PTPRN2: variants seen among roughly 807,000 people sequenced by gnomAD.
PTPRN2 encodes protein tyrosine phosphatase receptor type N2.
A neutral mutation model predicts 118.8 loss-of-function variants in PTPRN2; 74 were observed. The ratio of observed to expected loss-of-function variants is 0.62; its 90% CI spans 0.52 to 0.76. The LOEUF is 0.76. PTPRN2 is among the 30% of genes least tolerant of loss of function. The probability of loss-of-function intolerance (pLI) is 0.00; values close to 1 mark genes in which losing one functional copy is unlikely to be tolerated. For missense variants in PTPRN2, 1,481 were observed against 1,394.4 expected (o/e 1.06, Z -0.99); for synonymous variants, 641 against 608.0 (o/e 1.05, Z -0.80).
chr7:158,342,147 G>A (rs1405008306), intron 2 of PTPRN2, among the ~76,000 whole-genome samples: 1 of 63,558 alleles, frequency 1.6e-5, no homozygotes, highest in African/African-American at 7.0e-5. Flanking sequence ...CGCCCGCAGA[G>A]GTCACTCACA....
At chr7:157,921,361 C>T (rs1798683084) in intron 11 of PTPRN2, among the ~76,000 whole-genome samples, 1 of 152,202 alleles carries the variant, frequency 6.6e-6, no homozygotes, top group African/African-American at 2.4e-5. Context: ...CAGAGGCTTT[C>T]ATGACAGGGA....
At chr7:157,556,511 G>A (rs1234097467) in intron 21 of PTPRN2, among the ~76,000 whole-genome samples, 1 of 143,062 alleles carries the variant, frequency 7.0e-6, no homozygotes, top group Non-Finnish European at 1.5e-5. Flanking sequence ...TACACACACA[G>A]GCATGCACAC....
At chr7:158,053,804 TCCAGAGAGGCAGAGACC>T (rs1563365868) in intron 11 of PTPRN2, among the ~76,000 whole-genome samples, 50 of 102,744 alleles carry the variant, frequency 4.9e-4, no homozygotes, top group African/African-American at 1.3e-3. Flanking sequence ...ACGCAGAGAC[TCCAGAGAGGCAGAGACC>T]CCAGAGATGC....
At chr7:158,459,004 TG>T (rs1818748297) in intron 2 of PTPRN2, among the ~76,000 whole-genome samples, 1 of 152,112 alleles carries the variant, frequency 6.6e-6, no homozygotes, top group Non-Finnish European at 1.5e-5. Flanking sequence ...GCAACATCTG[TG>T]GGGGCACAGG....
At position 158,500,755 on chromosome 7, in the gene PTPRN2, A is replaced by T. The variant is rs547158629; in HGVS notation, c.113-10970T>A. On this transcript the variant is annotated intron_variant, in intron 1 of 22. Coordinates refer to ENST00000389418, the MANE Select transcript of PTPRN2 (RefSeq NM_002847.5). ...TGAAAGACGTGACCAGGGCTGTTAA[A>T]CGCCATCCAGCCCAACGGTTTTCGC... Among the ~76,000 whole-genome samples the T allele has an allele frequency of 2.0e-5, 3 of 152,366 alleles. No individual in the cohort carries two copies. The East Asian group carries it at 5.8e-4, about 29-fold the overall frequency.
intron 1 of PTPRN2, among the ~76,000 whole-genome samples, chr7:158,585,262 G>A (rs1828849093): frequency 6.6e-6 from 1 of 152,182 alleles, no homozygotes; most frequent in African/African-American, 2.4e-5. Context: ...CAAGGTGGAG[G>A]GGACATAGGT....
intron 12 of PTPRN2, among the ~76,000 whole-genome samples, chr7:157,840,948 G>A (rs142669469): frequency 7.0e-4 from 107 of 152,272 alleles, no homozygotes; most frequent in African/African-American, 2.3e-3. Flanking sequence ...CCACCTCACC[G>A]CCTGCCTGCC....
At chr7:158,330,773 C>CACACTCTCACCATAAGAACTGACACCT (rs1260150223) in intron 2 of PTPRN2, among the ~76,000 whole-genome samples, 1 of 41,694 alleles carries the variant, frequency 2.4e-5, no homozygotes, top group Non-Finnish European at 5.3e-5. Flanking sequence ...AGCTGACACC[C>CACACTCTCACCATAAGAACTGACACCT]GCAGACGTCA....
In PTPRN2 at chr7:158,333,259, G is replaced by A. The variant is rs1462624976; in HGVS notation, c.164-16327C>T. On this transcript the variant is annotated intron_variant, in intron 2 of 22. Coordinates refer to ENST00000389418, the MANE Select transcript of PTPRN2 (RefSeq NM_002847.5). ...ACTCTCCCCAAAAGAGCTGTCGCCC[G>A]CAGGAGTCACTCACACCCACACTCT... is the stretch of plus-strand genomic sequence containing the variant. Among the ~76,000 whole-genome samples, 15 of 125,682 alleles carry A rather than the reference G, an allele frequency of 1.2e-4. 2 individuals are homozygous for A. The highest frequency in any genetic ancestry group is 9.1e-4 in the East Asian group (4 of 4,398). 82.5% of individuals were successfully genotyped at this position (125,682 alleles called of 152,430 possible).
intron 1 of PTPRN2, among the ~76,000 whole-genome samples, chr7:158,583,541 G>C (rs528880915): frequency 5.3e-5 from 8 of 151,850 alleles, no homozygotes; most frequent in South Asian, 2.1e-4. Flanking sequence ...CTTGGAAGAA[G>C]AGCTGCCAGA....
At chr7:158,372,921 G>A (rs927495452) in intron 2 of PTPRN2, among the ~76,000 whole-genome samples, 11 of 152,296 alleles carry the variant, frequency 7.2e-5, no homozygotes, top group South Asian at 4.1e-4. Context: ...AAGACTCCCC[G>A]ACCTGACAGC....
At chr7:158,214,397 TACACACACAC>T (rs144370539) in intron 3 of PTPRN2, among the ~76,000 whole-genome samples, 31 of 145,864 alleles carry the variant, frequency 2.1e-4, no homozygotes, top group Middle Eastern at 3.5e-3. Context: ...CACCAGCGTG[TACACACACAC>T]ACACACACAC....
chr7:158,075,019 A>G (rs1812236425), intron 11 of PTPRN2, among the ~76,000 whole-genome samples: 1 of 138,894 alleles, frequency 7.2e-6, no homozygotes, highest in Non-Finnish European at 1.5e-5. Flanking sequence ...CGATGCAATT[A>G]TTTTCTACCA....
rs921888117 is a variant in PTPRN2, at chr7:157,787,538, G to A, written c.1789-104601C>T. Reference sequence around the variant, plus strand: ...GGCCAGGAGAGCCCCTGGGCCTCACGTCCTGCTTCTCTCCTTGTCCTTCAT... The same window carrying A: ...GGCCAGGAGAGCCCCTGGGCCTCACATCCTGCTTCTCTCCTTGTCCTTCAT... On this transcript the variant is annotated intron_variant, in intron 12 of 22. Transcript: ENST00000389418. The surrounding 1 kb of genome is among the most constrained non-coding windows in gnomAD (Gnocchi z 5.3). Among the ~76,000 whole-genome samples the A allele has an allele frequency of 2.0e-5, 3 of 152,172 alleles. No homozygotes were observed. Among genetic ancestry groups the A allele is most frequent in the Non-Finnish European group, 2.9e-5 (2 of 68,018 alleles).
chr7:157,866,004 A>C (rs7788108), intron 12 of PTPRN2: 52,635 of 152,340 alleles, frequency 0.35, 11,972 homozygotes, highest in African/African-American at 0.65. Context: ...GCTGCCGCGC[A>C]ACCTCTGACA....
rs1283928125 is a variant in PTPRN2, at chr7:157,598,425, GTCGGCGTCTCCGGGCC to G, written c.2419-3126_2419-3111del. On this transcript the variant is annotated intron_variant, in intron 16 of 22. Coordinates refer to ENST00000389418, the MANE Select transcript of PTPRN2 (RefSeq NM_002847.5). This position sits in a 1 kb window ranked among gnomAD's most constrained non-coding sequence, Gnocchi z 5.2. ...AGCTCAGGGAGTGAGGAGCTTGGAC[GTCGGCGTCTCCGGGCC>G]TCAGTCTCCATATCTGTATGGTGGG... Among the ~76,000 whole-genome samples the G allele has an allele frequency of 5.3e-5, 8 of 150,054 alleles. No homozygotes were observed. In the East Asian group the frequency reaches 5.9e-4, roughly 11 times the overall value.
Position 157,950,971 on chromosome 7 carries a change from G to T in PTPRN2, c.1724-52234C>A, listed in dbSNP as rs368248334. On this transcript the variant is annotated intron_variant, in intron 11 of 22. Transcript: ENST00000389418. ...ATTAAAGAAGGTTTCCATTGAGTTT[G>T]CTAGTTCTTCACTAGCAATATTCCC... Among the ~76,000 whole-genome samples the T allele has an allele frequency of 7.9e-5, 12 of 152,262 alleles. No homozygotes were observed. The East Asian group carries it at 1.2e-3, about 15-fold the overall frequency.
At chr7:157,992,297 T>C (rs1410115873) in intron 11 of PTPRN2, among the ~76,000 whole-genome samples, 1 of 152,220 alleles carries the variant, frequency 6.6e-6, no homozygotes, top group African/African-American at 2.4e-5. Context: ...TGGCGACACG[T>C]TCTCTGGAAA....
intron 13 of PTPRN2, among the ~76,000 whole-genome samples, chr7:157,661,180 C>A (rs1223078281): frequency 1.3e-5 from 2 of 152,252 alleles, no homozygotes; most frequent in Non-Finnish European, 2.9e-5. Flanking sequence ...AGCGGGGACC[C>A]GCGGCTCTCA....
Sources: allele counts gnomAD v4.1 joint callset (sites outside exome capture counted in the v4.1 genomes callset), GRCh38; gene constraint gnomAD v4.1.1; non-coding constraint Gnocchi (gnomAD v3.1); transcripts MANE v1.5; gene names NCBI Gene and HGNC (gene_info 2026-07-23, HGNC 2026-07-21).